HEMK2: variants seen among roughly 807,000 people sequenced by gnomAD.
HEMK2 encodes the protein HemK methyltransferase 2, ETF1 glutamine and histone H4 lysine.
At chr21:28,603,799 A>G in the HEMK2 span, among the ~76,000 whole-genome samples, 1 of 152,122 alleles carries the variant, frequency 6.6e-6, no homozygotes, top group Non-Finnish European at 1.5e-5. Flanking sequence ...CCTTGCAATA[A>G]ATGAACTTTC....
the HEMK2 span, among the ~76,000 whole-genome samples, chr21:28,825,995 T>G: frequency 2.6e-5 from 4 of 152,340 alleles, no homozygotes; most frequent in East Asian, 7.7e-4. Flanking sequence ...GGATGCTCAT[T>G]GCAACCTATA....
chr21:28,592,064 C>A, the HEMK2 span, among the ~76,000 whole-genome samples: 1 of 152,116 alleles, frequency 6.6e-6, no homozygotes, highest in Non-Finnish European at 1.5e-5. Context: ...GGGTATATAC[C>A]CAGTAATAGG....
At chr21:28,663,925 C>T in the HEMK2 span, among the ~76,000 whole-genome samples, 1 of 152,102 alleles carries the variant, frequency 6.6e-6, no homozygotes, top group African/African-American at 2.4e-5. Context: ...GTTGAATATG[C>T]AAACTGAAGG....
chr21:28,682,304 C>T, the HEMK2 span, among the ~76,000 whole-genome samples: 51 of 152,228 alleles, frequency 3.4e-4, no homozygotes, highest in East Asian at 8.9e-3. Context: ...TGAAAAAATG[C>T]TCACCATCAC....
chr21:28,594,492 A>G, the HEMK2 span, among the ~76,000 whole-genome samples: 1 of 152,182 alleles, frequency 6.6e-6, no homozygotes, highest in Non-Finnish European at 1.5e-5. Context: ...AAACTATTTA[A>G]AATAAAAAAT....
the HEMK2 span, among the ~76,000 whole-genome samples, chr21:28,669,981 G>A: frequency 6.6e-6 from 1 of 152,116 alleles, no homozygotes; most frequent in Admixed American, 6.6e-5. Flanking sequence ...ATTCTCATCT[G>A]AATTCACAGT....
the HEMK2 span, chr21:28,885,273 G>A: frequency 6.3e-7 from 1 of 1,594,018 alleles, no homozygotes; most frequent in East Asian, 2.3e-5. Context: ...TCCTCCGCGG[G>A]CTCGTACACG....
the HEMK2 span, among the ~76,000 whole-genome samples, chr21:28,771,637 T>G: frequency 2.0e-5 from 3 of 152,032 alleles, no homozygotes; most frequent in African/African-American, 7.2e-5. Flanking sequence ...TTCTTCTCTT[T>G]GGATTTTAAT....
the HEMK2 span, among the ~76,000 whole-genome samples, chr21:28,654,183 C>T: frequency 6.6e-6 from 1 of 152,046 alleles, no homozygotes; most frequent in Non-Finnish European, 1.5e-5. Context: ...TCTTGAAGGC[C>T]GATCAGAACA....
the HEMK2 span, among the ~76,000 whole-genome samples, chr21:28,762,248 T>C: frequency 3.3e-5 from 5 of 152,080 alleles, no homozygotes; most frequent in Non-Finnish European, 5.9e-5. Flanking sequence ...GTTACCCACA[T>C]CACTTGCTAT....
chr21:28,769,441 T>C, the HEMK2 span, among the ~76,000 whole-genome samples: 1 of 152,118 alleles, frequency 6.6e-6, no homozygotes, highest in Non-Finnish European at 1.5e-5. Context: ...TGAATCCAGA[T>C]ACTTGGTTCC....
chr21:28,879,162 G>C, the HEMK2 span, among the ~76,000 whole-genome samples: 1 of 142,192 alleles, frequency 7.0e-6, no homozygotes, highest in African/African-American at 2.6e-5. Flanking sequence ...ATGGCTCACT[G>C]CAGCTTCCAC....
chr21:28,730,894 C>T, the HEMK2 span, among the ~76,000 whole-genome samples: 12 of 151,730 alleles, frequency 7.9e-5, no homozygotes, highest in African/African-American at 2.7e-4. Flanking sequence ...TTATAGGGGC[C>T]CTTCTCAGAG....
the HEMK2 span, among the ~76,000 whole-genome samples, chr21:28,792,602 A>G: frequency 6.6e-6 from 1 of 152,126 alleles, no homozygotes; most frequent in Non-Finnish European, 1.5e-5. Context: ...TTGGTACAAT[A>G]AGAGAAATGT....
chr21:28,828,825 GT>G, the HEMK2 span, among the ~76,000 whole-genome samples: 7 of 151,896 alleles, frequency 4.6e-5, no homozygotes, highest in East Asian at 3.9e-4. Context: ...GCAACAACCT[GT>G]TTTTTTTAAT....
At chr21:28,782,372 C>T in the HEMK2 span, among the ~76,000 whole-genome samples, 1 of 152,256 alleles carries the variant, frequency 6.6e-6, no homozygotes, top group African/African-American at 2.4e-5. Flanking sequence ...AGGAATGGAC[C>T]TATATCTTCA....
At chr21:28,749,552 C>T in the HEMK2 span, among the ~76,000 whole-genome samples, 3 of 151,494 alleles carry the variant, frequency 2.0e-5, no homozygotes, top group Non-Finnish European at 4.4e-5. Context: ...CCTAACAGCC[C>T]TGTCACTTTT....
the HEMK2 span, among the ~76,000 whole-genome samples, chr21:28,593,682 G>C: frequency 6.6e-6 from 1 of 152,150 alleles, no homozygotes; most frequent in Admixed American, 6.5e-5. Context: ...AAGCGAAAAA[G>C]CTCCCAATGG....
chr21:28,745,270 T>C, the HEMK2 span, among the ~76,000 whole-genome samples: 1 of 152,218 alleles, frequency 6.6e-6, no homozygotes, highest in African/African-American at 2.4e-5. Flanking sequence ...ATTTCAGATT[T>C]AGTTGGAGAA....
Sources: allele counts gnomAD v4.1 joint callset (sites outside exome capture counted in the v4.1 genomes callset), GRCh38; gene constraint gnomAD v4.1.1; transcripts MANE v1.5; gene names NCBI Gene and HGNC (gene_info 2026-07-23, HGNC 2026-07-21).